TPTE2: variants seen among roughly 807,000 people sequenced by gnomAD.
TPTE2 encodes the protein transmembrane phosphoinositide 3-phosphatase and tensin homolog 2.
Under a neutral mutation model 78.6 loss-of-function variants are expected in TPTE2, and 53 were observed. The ratio of observed to expected loss-of-function variants is 0.67; its 90% CI spans 0.54 to 0.85. The LOEUF is 0.85. TPTE2 is among the 40% of genes least tolerant of loss of function. The pLI is 0.00. For missense variants in TPTE2, 461 were observed against 623.0 expected (o/e 0.74, Z 2.77); for synonymous variants, 175 against 206.2 (o/e 0.85, Z 1.30).
chr13:19,465,410 G>T lies in TPTE2; in HGVS notation c.612+55C>A, dbSNP rs192168577. ...AGTATAGATATCAACCCTTGCCAAT[G>T]GGTCCCAAAACACAAAATATTTTTC... On this transcript the variant is annotated intron_variant, in intron 8 of 19. Coordinates refer to ENST00000400230, the Ensembl canonical transcript of TPTE2. 1.6e-4 allele frequency: 264 copies of T among 1,608,320 alleles called. 1 individual carries two copies. The highest frequency in any genetic ancestry group is 1.0e-3 in the Middle Eastern group (6 of 6,028).
chr13:19,423,219 G>A (rs550742128), intron 19 of TPTE2, 55 bp from the exon 23 acceptor site: 38 of 1,409,814 alleles, frequency 2.7e-5, no homozygotes, highest in Admixed American at 6.4e-5. Context: ...AAAAAGCCAC[G>A]CAGTTGGGTA....
chr13:19,455,170 A>T (rs751491130), intron 10 of TPTE2, among the ~76,000 whole-genome samples: 1 of 152,178 alleles, frequency 6.6e-6, no homozygotes, highest in Admixed American at 6.5e-5. Flanking sequence ...TGTGGTTCAG[A>T]CCCTTCTCTT....
chr13:19,449,973 C>T, intron 13 of TPTE2, 103 bp downstream of exon 16: 8 of 1,200,128 alleles, frequency 6.7e-6, no homozygotes, highest in Non-Finnish European at 9.3e-6. Context: ...AAAATGCTAA[C>T]AATTATTAAT....
At chr13:19,454,980 G>A (rs1010530581) in intron 10 of TPTE2, among the ~76,000 whole-genome samples, 1 of 152,170 alleles carries the variant, frequency 6.6e-6, no homozygotes, top group Non-Finnish European at 1.5e-5. Context: ...TTTTTGGATG[G>A]CTGCCCTCAA....
At chr13:19,531,834 G>A (rs905438105) in intron 1 of TPTE2, among the ~76,000 whole-genome samples, 1 of 152,110 alleles carries the variant, frequency 6.6e-6, no homozygotes, top group Non-Finnish European at 1.5e-5. Context: ...GGCTGAGGCA[G>A]AAGAATTGCT....
intron 1 of TPTE2, among the ~76,000 whole-genome samples, chr13:19,514,590 A>AAAGTGTGTGT: frequency 1.1e-4 from 2 of 18,708 alleles, no homozygotes; most frequent in African/African-American, 2.1e-4. Flanking sequence ...AGTACTTCTG[A>AAAGTGTGTGT]GAGTGTGTGT....
intron 1 of TPTE2, among the ~76,000 whole-genome samples, chr13:19,514,578 C>T (rs1484572465): frequency 1.4e-4 from 8 of 58,016 alleles, no homozygotes; most frequent in Admixed American, 8.8e-4. Flanking sequence ...GGATACAGCA[C>T]CAGTACTTCT....
the TPTE2 span, among the ~76,000 whole-genome samples, chr13:19,561,558 G>A: frequency 6.6e-6 from 1 of 152,188 alleles, no homozygotes; most frequent in Non-Finnish European, 1.5e-5. Context: ...CCCGGCCGTT[G>A]CGATGACCTT....
chr13:19,533,729 T>C (rs1224734976), intron 1 of TPTE2, among the ~76,000 whole-genome samples: 1 of 152,214 alleles, frequency 6.6e-6, no homozygotes, highest in African/African-American at 2.4e-5. Context: ...TATGTTGTCA[T>C]GGCAGGGATT....
intron 11 of TPTE2, among the ~76,000 whole-genome samples, chr13:19,450,836 T>C (rs1401801320): frequency 6.6e-6 from 1 of 152,180 alleles, no homozygotes; most frequent in African/African-American, 2.4e-5. Context: ...ATTTGTTAAA[T>C]TGTCTATGTC....
the TPTE2 span, among the ~76,000 whole-genome samples, chr13:19,542,283 A>T: frequency 6.6e-6 from 1 of 152,020 alleles, no homozygotes; most frequent in Non-Finnish European, 1.5e-5. Context: ...CTCCCAAGTC[A>T]CTGGGATTAC....
intron 3 of TPTE2, among the ~76,000 whole-genome samples, chr13:19,491,803 C>T (rs1031155617): frequency 1.7e-4 from 26 of 152,206 alleles, no homozygotes; most frequent in Non-Finnish European, 4.4e-5. Context: ...CCAGCTTGGG[C>T]AACAGCGAGA....
chr13:19,561,355 G>A, the TPTE2 span: 4 of 553,176 alleles, frequency 7.2e-6, no homozygotes, highest in Non-Finnish European at 1.2e-5. Context: ...CCGGCCTGCA[G>A]GTCCACTCTA....
At chr13:19,545,266 T>C in the TPTE2 span, among the ~76,000 whole-genome samples, 1,035 of 152,234 alleles carry the variant, frequency 6.8e-3, 9 homozygotes, top group African/African-American at 0.022. Context: ...TCAGGTACCA[T>C]TGAAGTTATG....
intron 3 of TPTE2, among the ~76,000 whole-genome samples, chr13:19,483,773 A>G (rs1880495537): frequency 6.6e-6 from 1 of 152,170 alleles, no homozygotes; most frequent in Admixed American, 6.5e-5. Flanking sequence ...ATTTATTGCT[A>G]AAAACATACT....
At chr13:19,424,706 T>C (rs1039285756) in intron 19 of TPTE2, among the ~76,000 whole-genome samples, 33 of 152,186 alleles carry the variant, frequency 2.2e-4, no homozygotes, top group African/African-American at 7.7e-4. Flanking sequence ...ATAATACTTT[T>C]GAACTCATAA....
At chr13:19,431,625 T>C (rs1231020475) in intron 16 of TPTE2, among the ~76,000 whole-genome samples, 1 of 152,046 alleles carries the variant, frequency 6.6e-6, no homozygotes, top group East Asian at 1.9e-4. Flanking sequence ...TATTCATTTG[T>C]CATTAGAAAT....
the TPTE2 span, among the ~76,000 whole-genome samples, chr13:19,549,529 T>G: frequency 7.2e-5 from 11 of 151,930 alleles, no homozygotes; most frequent in East Asian, 1.9e-4. Context: ...TGCAGAGGAA[T>G]TGGAATGCTT....
At chr13:19,462,202 C>T (rs2492392) in intron 10 of TPTE2, among the ~76,000 whole-genome samples, 20,216 of 151,838 alleles carry the variant, frequency 0.13, 1,497 homozygotes, top group African/African-American at 0.19. Flanking sequence ...GAGTTTTATA[C>T]TTTTGTGTGT....
Sources: allele counts gnomAD v4.1 joint callset (sites outside exome capture counted in the v4.1 genomes callset), GRCh38; gene constraint gnomAD v4.1.1; transcripts MANE v1.5; gene names NCBI Gene and HGNC (gene_info 2026-07-23, HGNC 2026-07-21).